ARNT: variants seen among roughly 807,000 people sequenced by gnomAD.
ARNT encodes the protein class E basic helix-loop-helix protein 2.
ARNT carries 30 observed loss-of-function variants against 105.0 expected under a neutral mutation model. That is an observed-to-expected ratio of 0.29 (90% CI 0.21 to 0.39). ARNT has a LOEUF of 0.39. Ranked by LOEUF, ARNT falls within the 10% of genes least tolerant of loss-of-function variation. The pLI, the probability that ARNT is intolerant of heterozygous loss-of-function variation, is 1.00. For synonymous variants in ARNT, 304 were observed against 344.0 expected (o/e 0.88, Z 1.29); for missense variants, 748 against 978.7 (o/e 0.76, Z 3.15).
At chr1:150,818,129 A>G in intron 14 of ARNT, 99 bp from the exon 15 acceptor site, 2 of 811,810 alleles carry the variant, frequency 2.5e-6, no homozygotes, top group Non-Finnish European at 3.9e-6. Flanking sequence ...AAAGCTCTAT[A>G]GATTCATCTG....
intron 3 of ARNT, among the ~76,000 whole-genome samples, chr1:150,851,496 T>C (rs12125322): frequency 0.021 from 1,735 of 83,852 alleles, no homozygotes; most frequent in African/African-American, 0.027. Flanking sequence ...TAGGAGACTC[T>C]ATTTTGTTCT....
chr1:150,816,713 G>C, intron 18 of ARNT, 75 bp downstream of exon 18: 1 of 1,446,354 alleles, frequency 6.9e-7, no homozygotes, highest in Non-Finnish European at 9.3e-7. Context: ...GAGAAAGCAA[G>C]GGAAGAATAA....
In ARNT at chr1:150,829,995, C is replaced by T. The variant is rs1049980332; in HGVS notation, c.956-15G>A. Reference sequence around the variant, plus strand: ...GAGGGAAACACCTTCAGAAACGTGACGTTAAAAGGTTTAACGGGGACCTCC... The same window carrying T: ...GAGGGAAACACCTTCAGAAACGTGATGTTAAAAGGTTTAACGGGGACCTCC... On this transcript the variant is annotated splice_polypyrimidine_tract_variant and intron_variant, in intron 10 of 21. Transcript: ENST00000358595. 28 of 1,613,898 alleles carry T rather than the reference C, an allele frequency of 1.7e-5. No homozygotes were observed. Among genetic ancestry groups the T allele is most frequent in the African/African-American group, 5.3e-5 (4 of 74,912 alleles).
chr1:150,815,716 T>C (rs962572243), intron 19 of ARNT, among the ~76,000 whole-genome samples: 3 of 146,860 alleles, frequency 2.0e-5, no homozygotes, highest in African/African-American at 7.5e-5. Context: ...AAAAAAAAAA[T>C]TAGGCGCAGT....
Position 150,836,270 on chromosome 1 carries a change from T to C in ARNT, c.700+10A>G. On this transcript the variant is annotated intron_variant, in intron 7 of 21. Coordinates refer to ENST00000358595, the MANE Select transcript of ARNT (RefSeq NM_001668.4). ...ACTTCTCATTCATTTCCCATACACA[T>C]AACTCTCACCTGTCAGGGCATTTTC... 2 of 1,613,240 alleles carry C rather than the reference T, an allele frequency of 1.2e-6. No individual in the cohort carries two copies. The highest frequency in any genetic ancestry group is 1.7e-6 in the Non-Finnish European group (2 of 1,179,200).
At chr1:150,872,724 T>C (rs1312314796) in intron 1 of ARNT, among the ~76,000 whole-genome samples, 1 of 151,646 alleles carries the variant, frequency 6.6e-6, no homozygotes, top group African/African-American at 2.4e-5. Flanking sequence ...TCTTGGGGAG[T>C]GCCCAACGCA....
rs1658919123 is a variant in ARNT, at chr1:150,829,449, G to GT, written c.1033-223dup. On this transcript the variant is annotated intron_variant, in intron 11 of 21. Transcript: ENST00000358595. ...ATTTACACTTTACCAAGTTAGTAAA[G>GT]TAAGAATAAAGTTTATTCAATCTAA... The GT allele has an allele frequency of 5.0e-6, 3 of 603,372 alleles. No homozygotes were observed. In the South Asian group the frequency reaches 5.6e-5, roughly 11 times the overall value. 37.4% of individuals were successfully genotyped at this position (603,372 alleles called of 1,614,324 possible).
intron 6 of ARNT, among the ~76,000 whole-genome samples, chr1:150,837,410 T>C (rs1293419850): frequency 6.6e-6 from 1 of 152,214 alleles, no homozygotes; most frequent in Non-Finnish European, 1.5e-5. Flanking sequence ...CATATATTTT[T>C]AATGAGGTTA....
At chr1:150,868,318 A>G (rs1363299793) in intron 1 of ARNT, among the ~76,000 whole-genome samples, 1 of 152,094 alleles carries the variant, frequency 6.6e-6, no homozygotes, top group Non-Finnish European at 1.5e-5. Context: ...GTCTCAAAGA[A>G]GAGTCCTAGC....
rs749294419 is a variant in ARNT at position 150,824,612 on chromosome 1, G to A, written c.1243-1267C>T. On this transcript the variant is annotated intron_variant, in intron 13 of 21. Transcript: ENST00000358595. Reference sequence around the variant, plus strand: ...GGGGACTAGAGGCGTGCACCATCACGCCCAGCTAATTTTTGTATTTTTAGT... The same window carrying A: ...GGGGACTAGAGGCGTGCACCATCACACCCAGCTAATTTTTGTATTTTTAGT... 1.4e-3 allele frequency among the ~76,000 whole-genome samples: 208 copies of A among 151,342 alleles called. 3 individuals carry two copies. The Middle Eastern group carries it at 0.027, about 20-fold the overall frequency.
chr1:150,826,163 C>T (rs2101764912), intron 13 of ARNT, among the ~76,000 whole-genome samples: 1 of 152,312 alleles, frequency 6.6e-6, no homozygotes, highest in Middle Eastern at 3.4e-3. Flanking sequence ...GATCCACCTG[C>T]CTCAGCCTCC....
At chr1:150,835,138 C>CAAAA (rs11459475) in intron 7 of ARNT, among the ~76,000 whole-genome samples, 1 of 134,240 alleles carries the variant, frequency 7.4e-6, no homozygotes, top group Non-Finnish European at 1.6e-5. Context: ...GACCTTGTCT[C>CAAAA]AAAAAAAAAA....
chr1:150,851,481 A>C (rs1663528272), intron 3 of ARNT, among the ~76,000 whole-genome samples: 2 of 152,272 alleles, frequency 1.3e-5, no homozygotes. Context: ...AGAAAGAAGT[A>C]GACATAGGAG....
chr1:150,819,277 G>T (rs1322506597), intron 14 of ARNT, among the ~76,000 whole-genome samples: 4 of 151,860 alleles, frequency 2.6e-5, no homozygotes, highest in African/African-American at 9.7e-5. Flanking sequence ...AGGAATCAGA[G>T]CTCCTGGGAA....
intron 2 of ARNT, among the ~76,000 whole-genome samples, chr1:150,855,372 G>A (rs1664395377): frequency 6.6e-6 from 1 of 151,094 alleles, no homozygotes; most frequent in Non-Finnish European, 1.5e-5. Context: ...GGCTAATATG[G>A]TAAAACCCCG....
chr1:150,854,939 TGAAG>T (rs1318902551), intron 2 of ARNT, among the ~76,000 whole-genome samples: 4 of 128,114 alleles, frequency 3.1e-5, no homozygotes, highest in Middle Eastern at 4.5e-3. Flanking sequence ...AGGAAAAAAA[TGAAG>T]GAAGGAAGGA....
intron 1 of ARNT, among the ~76,000 whole-genome samples, chr1:150,859,185 A>C (rs1383253269): frequency 6.6e-6 from 1 of 152,076 alleles, no homozygotes; most frequent in Non-Finnish European, 1.5e-5. Context: ...GAAAACCCCA[A>C]AGGAAAAATC....
Position 150,810,372 on chromosome 1 carries a change from C to A in ARNT, c.*1649G>T. ...TAAAAAACAAGGGTTCCATTGGAAA[C>A]TCAACTTTTTGGTTTCGTAAATTGT... On this transcript the variant is annotated 3_prime_UTR_variant, in exon 22 of 22. Transcript: ENST00000358595. 1 of 226,542 alleles carries A rather than the reference C, an allele frequency of 4.4e-6. No homozygotes were observed. The allele number at this position is 226,542 out of a possible 1,614,324, so 14.0% of individuals were successfully genotyped here. A position where few individuals can be genotyped will look rare whatever the true frequency, so the allele number is the denominator to read the frequency against.
intron 13 of ARNT, among the ~76,000 whole-genome samples, chr1:150,824,272 A>C (rs1657737767): frequency 6.6e-6 from 1 of 151,768 alleles, no homozygotes; most frequent in African/African-American, 2.4e-5. Flanking sequence ...ATAATAACTT[A>C]TTTCCAGGAA....
Sources: gnomAD v4.1 joint callset for allele counts (sites outside exome capture counted in the v4.1 genomes callset) on GRCh38, gnomAD v4.1.1 for gene constraint, MANE v1.5 for transcripts, NCBI Gene and HGNC (gene_info 2026-07-23, HGNC 2026-07-21) for gene names.